Variants in LHFPL3 observed in about 807,000 individuals in gnomAD.
LHFPL3 encodes LHFPL tetraspan subfamily member 3 protein.
A neutral mutation model predicts 19.3 loss-of-function variants in LHFPL3; 5 were observed. The ratio of observed to expected loss-of-function variants is 0.26; its 90% CI spans 0.14 to 0.54. LHFPL3 has a LOEUF of 0.54. LHFPL3 is among the 20% of genes least tolerant of loss of function. The pLI, the probability that LHFPL3 is intolerant of heterozygous loss-of-function variation, is 0.94. For synonymous variants in LHFPL3, 133 were observed against 126.2 expected (o/e 1.05, Z -0.36); for missense variants, 249 against 307.4 (o/e 0.81, Z 1.42).
chr7:104,520,431 A>G (rs41064), intron 1 of LHFPL3, among the ~76,000 whole-genome samples: 81,864 of 139,252 alleles, frequency 0.59, 24,693 homozygotes, highest in African/African-American at 0.68. Flanking sequence ...GTCTCTGCCC[A>G]GCTTTGGTAT....
At position 104,906,184 on chromosome 7, in the gene LHFPL3, C is replaced by T; in HGVS notation, c.683-3C>T. ...TTCTCTCTCTTCCCTCCAATTTCTG[C>T]AGTTCTGCTAAGCCAATATTCTCTA... On this transcript the variant is annotated splice_polypyrimidine_tract_variant and splice_region_variant and intron_variant, in intron 2 of 2. Transcript: ENST00000424859. The T allele has an allele frequency of 6.2e-7, 1 of 1,610,032 alleles. No individual in the cohort carries two copies. Among genetic ancestry groups the T allele is most frequent in the Non-Finnish European group, 8.5e-7 (1 of 1,177,998 alleles).
intron 1 of LHFPL3, among the ~76,000 whole-genome samples, chr7:104,372,007 C>T (rs1336927926): frequency 1.3e-5 from 2 of 152,306 alleles, no homozygotes; most frequent in Non-Finnish European, 2.9e-5. Context: ...ATTAGTATTT[C>T]GTTTCCATGA....
intron 1 of LHFPL3, among the ~76,000 whole-genome samples, chr7:104,677,674 G>T (rs1792618310): frequency 6.6e-6 from 1 of 152,190 alleles, no homozygotes. Context: ...TTTCTGCAAT[G>T]ATGGAAGTGT....
intron 1 of LHFPL3, among the ~76,000 whole-genome samples, chr7:104,580,286 T>C (rs1339789618): frequency 1.3e-5 from 2 of 152,284 alleles, no homozygotes; most frequent in Middle Eastern, 3.4e-3. Context: ...CTATCACAGG[T>C]GATAACTGAA....
At chr7:104,402,108 A>C (rs1424217472) in intron 1 of LHFPL3, among the ~76,000 whole-genome samples, 1 of 151,964 alleles carries the variant, frequency 6.6e-6, no homozygotes, top group East Asian at 1.9e-4. Context: ...AAAACAAAAA[A>C]CAACAAAAAC....
intron 1 of LHFPL3, among the ~76,000 whole-genome samples, chr7:104,617,973 G>A (rs754251840): frequency 1.3e-5 from 2 of 152,098 alleles, no homozygotes; most frequent in African/African-American, 2.4e-5. Flanking sequence ...AGAACTCACC[G>A]GCAAGTCAAT....
intron 1 of LHFPL3, among the ~76,000 whole-genome samples, chr7:104,660,291 A>G (rs1291976325): frequency 6.6e-6 from 1 of 152,180 alleles, no homozygotes; most frequent in Non-Finnish European, 1.5e-5. Flanking sequence ...GTGAGCCACC[A>G]CGCCCAGTCA....
intron 1 of LHFPL3, among the ~76,000 whole-genome samples, chr7:104,692,845 A>G (rs1321654573): frequency 1.3e-5 from 2 of 152,218 alleles, no homozygotes; most frequent in African/African-American, 4.8e-5. Flanking sequence ...AGTCCCCACT[A>G]GGGCACTGCC....
At chr7:104,717,228 T>A (rs1230560865) in intron 1 of LHFPL3, among the ~76,000 whole-genome samples, 1 of 152,100 alleles carries the variant, frequency 6.6e-6, no homozygotes, top group East Asian at 1.9e-4. Flanking sequence ...AGGGAAAAAC[T>A]TATAACATTA....
chr7:104,583,202 C>A (rs1028601292), intron 1 of LHFPL3, among the ~76,000 whole-genome samples: 7 of 152,042 alleles, frequency 4.6e-5, no homozygotes, highest in Admixed American at 3.3e-4. Flanking sequence ...CAAAAACAAG[C>A]AATGGGGAAA....
At chr7:104,333,919 T>C (rs1426889659) in intron 1 of LHFPL3, among the ~76,000 whole-genome samples, 1 of 152,260 alleles carries the variant, frequency 6.6e-6, no homozygotes, top group Non-Finnish European at 1.5e-5. Flanking sequence ...GAAGCCTGGC[T>C]GTGACACTTA....
chr7:104,841,775 C>G (rs1186612732), intron 2 of LHFPL3, among the ~76,000 whole-genome samples: 1 of 152,014 alleles, frequency 6.6e-6, no homozygotes, highest in Non-Finnish European at 1.5e-5. Flanking sequence ...TCTATGTTCC[C>G]CTTACTAATT....
intron 1 of LHFPL3, among the ~76,000 whole-genome samples, chr7:104,706,098 A>T (rs973719709): frequency 1.3e-5 from 2 of 152,142 alleles, no homozygotes; most frequent in African/African-American, 4.8e-5. Context: ...CCAGGGACAC[A>T]TTCTCAGGCC....
intron 1 of LHFPL3, among the ~76,000 whole-genome samples, chr7:104,521,443 T>C (rs1382315863): frequency 6.6e-6 from 1 of 151,728 alleles, no homozygotes; most frequent in African/African-American, 2.4e-5. Context: ...GGGTGGAGAG[T>C]TCTGTAGGCA....
intron 1 of LHFPL3, among the ~76,000 whole-genome samples, chr7:104,417,227 T>G (rs532508272): frequency 5.8e-4 from 89 of 152,362 alleles, no homozygotes; most frequent in African/African-American, 2.0e-3. Flanking sequence ...AGCTTCTGCT[T>G]CAATGAGCAT....
chr7:104,811,694 A>T (rs998054041), intron 2 of LHFPL3, among the ~76,000 whole-genome samples: 3 of 152,222 alleles, frequency 2.0e-5, no homozygotes, highest in Non-Finnish European at 4.4e-5. Flanking sequence ...TATTATTATT[A>T]TGACAGAGGA....
chr7:104,791,933 A>G (rs1206374105), intron 2 of LHFPL3, among the ~76,000 whole-genome samples: 1 of 152,132 alleles, frequency 6.6e-6, no homozygotes, highest in Non-Finnish European at 1.5e-5. Context: ...TTGGGATAGC[A>G]TGCTCTCAGG....
intron 1 of LHFPL3, among the ~76,000 whole-genome samples, chr7:104,362,901 G>A (rs1790417211): frequency 6.6e-6 from 1 of 152,166 alleles, no homozygotes; most frequent in South Asian, 2.1e-4. Context: ...AGATGAGCAA[G>A]TTTACTTGCC....
At chr7:104,568,779 G>A (rs1790171629) in intron 1 of LHFPL3, among the ~76,000 whole-genome samples, 1 of 152,200 alleles carries the variant, frequency 6.6e-6, no homozygotes, top group African/African-American at 2.4e-5. Context: ...CACTGGTGGT[G>A]CCCTTCCAGA....
Sources: allele counts gnomAD v4.1 joint callset (sites outside exome capture counted in the v4.1 genomes callset), GRCh38; gene constraint gnomAD v4.1.1; transcripts MANE v1.5; gene names NCBI Gene and HGNC (gene_info 2026-07-23, HGNC 2026-07-21).